VPS13B: variants seen among roughly 807,000 people sequenced by gnomAD.
VPS13B encodes the protein vacuolar protein sorting 13 homolog B.
Under a neutral mutation model 426.4 loss-of-function variants are expected in VPS13B, and 285 were observed. The observed-to-expected ratio is 0.67, with a 90% CI of 0.61 to 0.74. VPS13B has a LOEUF of 0.74. Among genes scored for constraint, VPS13B ranks in the 30% least tolerant of loss-of-function variants. The pLI is 0.00. For missense variants in VPS13B, 4,537 were observed against 4,782.6 expected, an observed-to-expected ratio of 0.95 and a Z score of 1.51; for synonymous variants, 1,676 against 1,676.4, an observed-to-expected ratio of 1.00 and a Z score of 0.01.
At chr8:99,371,735 C>T (rs34217058) in intron 19 of VPS13B, among the ~76,000 whole-genome samples, 8,990 of 152,216 alleles carry the variant, frequency 0.059, 380 homozygotes, top group Non-Finnish European at 0.093. Context: ...TTTGTGTCCT[C>T]TCTTATTTCC....
chr8:99,840,677 CA>C (rs1455734974), intron 54 of VPS13B, among the ~76,000 whole-genome samples: 1 of 151,844 alleles, frequency 6.6e-6, no homozygotes, highest in Non-Finnish European at 1.5e-5. Context: ...ATATTATCTA[CA>C]AGAATATCAG....
chr8:99,073,210 A>T (rs1166881990), intron 3 of VPS13B, among the ~76,000 whole-genome samples: 1 of 152,082 alleles, frequency 6.6e-6, no homozygotes, highest in Non-Finnish European at 1.5e-5. Flanking sequence ...TTGGCTATTC[A>T]GAGTCTTTTG....
intron 39 of VPS13B, among the ~76,000 whole-genome samples, chr8:99,722,862 T>A (rs1017871140): frequency 2.0e-5 from 3 of 152,174 alleles, no homozygotes; most frequent in Non-Finnish European, 2.9e-5. Flanking sequence ...AGATTTTCAA[T>A]CAACATGAAA....
intron 19 of VPS13B, chr8:99,340,478 T>C (rs1811180494): frequency 6.1e-6 from 3 of 488,164 alleles, no homozygotes; most frequent in Non-Finnish European, 1.2e-5. Flanking sequence ...TTTCCAAGGA[T>C]TTCTGGAAGT....
At chr8:99,861,307 T>C (rs1038866122) in intron 57 of VPS13B, among the ~76,000 whole-genome samples, 2 of 152,194 alleles carry the variant, frequency 1.3e-5, no homozygotes, top group African/African-American at 2.4e-5. Flanking sequence ...TTTTATTGTA[T>C]CTTATCTTAT....
chr8:99,059,196 G>A (rs1259727094), intron 3 of VPS13B, among the ~76,000 whole-genome samples: 2 of 152,178 alleles, frequency 1.3e-5, no homozygotes, highest in South Asian at 4.1e-4. Context: ...GAGTGCAGTG[G>A]CTTGATCTTG....
At chr8:99,172,031 G>A (rs1812369701) in intron 16 of VPS13B, among the ~76,000 whole-genome samples, 1 of 152,106 alleles carries the variant, frequency 6.6e-6, no homozygotes, top group Admixed American at 6.6e-5. Context: ...GCATACAGTG[G>A]GCGAAGAATT....
intron 33 of VPS13B, among the ~76,000 whole-genome samples, chr8:99,586,410 G>A (rs1422615949): frequency 2.0e-5 from 3 of 152,040 alleles, no homozygotes; most frequent in Non-Finnish European, 4.4e-5. Flanking sequence ...TCACTGTCCA[G>A]GGCACCCAAT....
chr8:99,253,547 C>T (rs1258277587), intron 17 of VPS13B, among the ~76,000 whole-genome samples: 1 of 152,082 alleles, frequency 6.6e-6, no homozygotes, highest in East Asian at 1.9e-4. Context: ...TAGCTATGTT[C>T]TAATTTTTAT....
chr8:99,793,040 T>TAAA (rs34594024), intron 43 of VPS13B, among the ~76,000 whole-genome samples: 2 of 123,408 alleles, frequency 1.6e-5, no homozygotes, highest in Non-Finnish European at 3.5e-5. Flanking sequence ...ATCCTGTCTC[T>TAAA]AAAAAAAAAA....
chr8:99,812,230 G>A (rs907828886), intron 44 of VPS13B, among the ~76,000 whole-genome samples: 1 of 152,148 alleles, frequency 6.6e-6, no homozygotes, highest in Non-Finnish European at 1.5e-5. Context: ...TTTTCAATTG[G>A]ATTTAATTTT....
At chr8:99,326,784 T>C (rs1338588805) in intron 19 of VPS13B, among the ~76,000 whole-genome samples, 1 of 152,192 alleles carries the variant, frequency 6.6e-6, no homozygotes, top group African/African-American at 2.4e-5. Flanking sequence ...AATTTTGAGA[T>C]ACTTTTTTCA....
chr8:99,701,684 T>G (rs1832288602), intron 36 of VPS13B, among the ~76,000 whole-genome samples: 1 of 152,186 alleles, frequency 6.6e-6, no homozygotes, highest in South Asian at 2.1e-4. Context: ...AACTCTAACA[T>G]GTAGTGTCCA....
intron 25 of VPS13B, among the ~76,000 whole-genome samples, chr8:99,493,019 A>G (rs1171844720): frequency 6.6e-6 from 1 of 152,158 alleles, no homozygotes; most frequent in Non-Finnish European, 1.5e-5. Context: ...CGAAATTATT[A>G]TATACGTAAT....
At chr8:99,387,072 A>G (rs1057493665) in intron 20 of VPS13B, among the ~76,000 whole-genome samples, 8 of 152,182 alleles carry the variant, frequency 5.3e-5, no homozygotes, top group Admixed American at 1.3e-4. Context: ...AAATCTTTGC[A>G]TTCATCTTTA....
chr8:99,829,719 T>A (rs1424455677), intron 51 of VPS13B, among the ~76,000 whole-genome samples: 1 of 152,246 alleles, frequency 6.6e-6, no homozygotes, highest in Non-Finnish European at 1.5e-5. Flanking sequence ...TGGTTTTTCC[T>A]CATCTTCATG....
intron 21 of VPS13B, among the ~76,000 whole-genome samples, chr8:99,422,808 C>T (rs1166328120): frequency 1.3e-5 from 2 of 152,094 alleles, no homozygotes; most frequent in Non-Finnish European, 2.9e-5. Context: ...CCATTTTTCC[C>T]TCCTCAGAGG....
intron 24 of VPS13B, among the ~76,000 whole-genome samples, chr8:99,470,344 A>G (rs1563747896): frequency 6.6e-6 from 1 of 152,174 alleles, no homozygotes; most frequent in Non-Finnish European, 1.5e-5. Context: ...TTTTAAAATA[A>G]TTGAATTGCA....
intron 2 of VPS13B, among the ~76,000 whole-genome samples, chr8:99,022,865 C>T (rs1394969631): frequency 6.6e-6 from 1 of 151,530 alleles, no homozygotes; most frequent in Non-Finnish European, 1.5e-5. Flanking sequence ...TGAAAAGTGT[C>T]CCTCTTTTTT....
Sources: allele counts gnomAD v4.1 joint callset (sites outside exome capture counted in the v4.1 genomes callset), GRCh38; gene constraint gnomAD v4.1.1; transcripts MANE v1.5; gene names NCBI Gene and HGNC (gene_info 2026-07-23, HGNC 2026-07-21).